WDR62: variants seen among roughly 807,000 people sequenced by gnomAD.
The protein encoded by WDR62 is WD repeat domain 62, also known as WD repeat-containing protein 62.
Under a neutral mutation model 160.6 loss-of-function variants are expected in WDR62, and 112 were observed. The observed-to-expected ratio is 0.70, with a 90% CI of 0.60 to 0.82. The LOEUF is 0.82. WDR62 is among the 40% of genes least tolerant of loss of function. WDR62 has a pLI of 0.00. For missense variants in WDR62, 1,819 were observed against 1,983.8 expected (o/e 0.92, Z 1.58); for synonymous variants, 792 against 815.1 (o/e 0.97, Z 0.48).
At chr19:36,056,812 C>CTTT (rs1005571081) in intron 1 of WDR62, among the ~76,000 whole-genome samples, 3 of 139,886 alleles carry the variant, frequency 2.1e-5, no homozygotes, top group African/African-American at 7.8e-5. Flanking sequence ...TTTTTCTTTT[C>CTTT]TTTTTTTTTT....
intron 1 of WDR62, among the ~76,000 whole-genome samples, chr19:36,056,878 C>T (rs1012084372): frequency 6.6e-6 from 1 of 150,990 alleles, no homozygotes; most frequent in Non-Finnish European, 1.5e-5. Flanking sequence ...GGGTTGATCT[C>T]GGCTCACTGC....
intron 30 of WDR62, among the ~76,000 whole-genome samples, chr19:36,104,304 G>A (rs1210550014): frequency 3.9e-5 from 6 of 152,156 alleles, no homozygotes; most frequent in Non-Finnish European, 8.8e-5. Flanking sequence ...GCAGGGTGGG[G>A]ACAGGGGTTG....
intron 6 of WDR62, among the ~76,000 whole-genome samples, 167 bp from the exon 7 acceptor site, chr19:36,067,658 ACTG>A (rs1356717973): frequency 6.6e-6 from 1 of 152,146 alleles, no homozygotes; most frequent in African/African-American, 2.4e-5. Flanking sequence ...TCATTCTTGG[ACTG>A]CTGCTGTCCA....
chr19:36,104,969 C>T lies in WDR62; in HGVS notation c.4513C>T (p.Leu1505=), dbSNP rs760732678. 1.4e-5 allele frequency: 23 copies of T among 1,605,682 alleles called. No individual in the cohort carries two copies. The highest frequency in any genetic ancestry group is 6.7e-5 in the Admixed American group (4 of 59,694). The change falls in exon 32 of 32, where the codon CTG becomes TTG. Residue 1505 remains leucine, a synonymous_variant. Transcript: ENST00000401500. ...GGCCAGCCCAGACCTGCAGGCCCTG[C>T]TGGAACACTACTCGGAGCTGCTGGT... is the stretch of plus-strand genomic sequence containing the variant. ...PLASPDLQAL[L]EHYSELLVQA...
chr19:36,072,820 G>C (rs1316893524), intron 8 of WDR62, among the ~76,000 whole-genome samples: 1 of 152,164 alleles, frequency 6.6e-6, no homozygotes, highest in Non-Finnish European at 1.5e-5. Flanking sequence ...GTTTTCTCAT[G>C]TGTAAAATAC....
At chr19:36,101,116 G>A in intron 23 of WDR62, 98 bp from the exon 24 acceptor site, 2 of 1,259,010 alleles carry the variant, frequency 1.6e-6, no homozygotes, top group Non-Finnish European at 2.3e-6. Context: ...GCTCCTGCAG[G>A]AGCAGCGGGT....
Position 36,102,072 on chromosome 19 carries a change from C to G in WDR62, c.3141C>G (p.Ser1047Arg), listed in dbSNP as rs759652706. The change falls in exon 26 of 32, where the codon AGC becomes AGG. Residue 1047 changes from serine to arginine, a missense_variant. By Grantham distance (110) the Ser-to-Arg change is moderately radical. Coordinates refer to ENST00000401500, the MANE Select transcript of WDR62 (RefSeq NM_001083961.2). Reference protein sequence around the residue: ...LSLPEGPSVPSSSLPQTPEQE... With the variant: ...LSLPEGPSVPRSSLPQTPEQE... Reference sequence around the variant, plus strand: ...TGCCCGAGGGACCCAGCGTCCCCAGCAGCTCCCTACCCCAGACTCCGGAGC... The same window carrying G: ...TGCCCGAGGGACCCAGCGTCCCCAGGAGCTCCCTACCCCAGACTCCGGAGC... The G allele has an allele frequency of 3.2e-5, 51 of 1,614,088 alleles. No homozygotes were observed. The highest frequency in any genetic ancestry group is 4.2e-5 in the Non-Finnish European group (50 of 1,180,040).
intron 10 of WDR62, chr19:36,082,004 T>A: frequency 2.7e-6 from 1 of 368,242 alleles, no homozygotes; most frequent in Admixed American, 3.6e-5. Flanking sequence ...AAGAAAAGTT[T>A]GCTGAGGAAA....
intron 3 of WDR62, chr19:36,062,091 C>A (rs1025849093): frequency 6.6e-6 from 1 of 152,122 alleles, no homozygotes; most frequent in African/African-American, 2.4e-5. Flanking sequence ...GGACCACAGG[C>A]ATGTGCCACC....
chr19:36,054,999 G>A lies in WDR62; in HGVS notation c.28G>A (p.Ala10Thr). 1.9e-6 allele frequency: 3 copies of A among 1,607,262 alleles called. No individual in the cohort carries two copies. Among genetic ancestry groups the A allele is most frequent in the Non-Finnish European group, 2.5e-6 (3 of 1,178,290 alleles). Residue 10 changes from alanine (A) to threonine (T), a missense_variant, in exon 1 of 32, where the codon GCG becomes ACG. This residue lies in a region of WDR62 where 115 missense variants were observed against 92.4 expected (regional missense o/e 1.24). Transcript: ENST00000401500. ...GGCGGCCGTAGGGTCCGGAGGCTATGCGCGGAACGATGCAGGGGAGAAGCT... is the reference window on the plus strand; with the variant it reads ...GGCGGCCGTAGGGTCCGGAGGCTATACGCGGAACGATGCAGGGGAGAAGCT... MAAVGSGGYARNDAGEKLPS... is the reference protein window; with the variant it reads MAAVGSGGYTRNDAGEKLPS...
At chr19:36,105,657 G>A (rs1278137649), downstream of WDR62, among the ~76,000 whole-genome samples, 1 of 152,012 alleles carries the variant, frequency 6.6e-6, no homozygotes, top group Non-Finnish European at 1.5e-5. Flanking sequence ...GACCAGCCTG[G>A]GCAACTTGGT....
chr19:36,080,183 C>G (rs748853053), intron 9 of WDR62, among the ~76,000 whole-genome samples: 3 of 151,988 alleles, frequency 2.0e-5, no homozygotes, highest in Non-Finnish European at 4.4e-5. Flanking sequence ...TCTCGGCTCA[C>G]TGCAAGCTCC....
chr19:36,097,015 G>A lies in WDR62; in HGVS notation c.2468-12G>A, dbSNP rs1224489968. ...TGTTTGTCCTCTTTTCATGGATTCT[G>A]TGTCTTTCCAGATCCTCGTTGCCTG... On this transcript the variant is annotated splice_polypyrimidine_tract_variant and intron_variant, in intron 20 of 31. Transcript: ENST00000401500. The A allele has an allele frequency of 8.1e-6, 13 of 1,609,714 alleles. No individual in the cohort carries two copies. The highest frequency in any genetic ancestry group is 1.3e-5 in the African/African-American group (1 of 74,854).
downstream of WDR62, among the ~76,000 whole-genome samples, chr19:36,107,905 C>T (rs1393868216): frequency 1.3e-5 from 2 of 152,026 alleles, no homozygotes; most frequent in Non-Finnish European, 2.9e-5. Flanking sequence ...TGACAGGGTC[C>T]CAGCAGAAAG....
intron 3 of WDR62, chr19:36,061,681 G>A (rs1057131774): frequency 6.6e-6 from 1 of 152,152 alleles, no homozygotes; most frequent in African/African-American, 2.4e-5. Flanking sequence ...GTCCGCCCTT[G>A]GCCACCAGTG....
Position 36,066,342 on chromosome 19 carries a change from C to T in WDR62, c.476C>T (p.Ala159Val), listed in dbSNP as rs776593343. 2.3e-5 allele frequency: 37 copies of T among 1,613,966 alleles called. No individual in the cohort carries two copies. Among genetic ancestry groups the T allele is most frequent in the East Asian group, 4.5e-5 (2 of 44,902 alleles). ...AEMLGHKYGVACVAFSPNMKH... is the reference protein window; with the variant it reads ...AEMLGHKYGVVCVAFSPNMKH... ...ATGCTAGGCCACAAGTATGGTGTGG[C>T]GTGTGTGGCCTTCTCACCCAATATG... is the stretch of plus-strand genomic sequence containing the variant. Residue 159 changes from alanine (A) to valine (V), a missense_variant, in exon 5 of 32, where the codon GCG becomes GTG. Physicochemically the swap from Ala to Val is moderately conservative, Grantham distance 64 (BLOSUM62 0). Transcript: ENST00000401500.
chr19:36,089,092 G>T lies in WDR62; in HGVS notation c.1823G>T (p.Arg608Leu), dbSNP rs774588484. 2.5e-6 allele frequency: 4 copies of T among 1,613,984 alleles called. No homozygotes were observed. Among genetic ancestry groups the T allele is most frequent in the Admixed American group, 1.7e-5 (1 of 59,986 alleles). The change falls in exon 14 of 32, where the codon CGC (arginine) becomes CTC (leucine). Residue 608 changes from arginine to leucine, a missense_variant. Arg to Leu is a moderately radical substitution (Grantham distance 102, BLOSUM62 -2). Around this residue, in one of 3 missense-constraint regions of WDR62, gnomAD observed 934 missense variants for 1,157.2 expected, o/e 0.81. Coordinates refer to ENST00000401500, the MANE Select transcript of WDR62 (RefSeq NM_001083961.2). ...GGGGCTGACAAGAGCATCTACTTTCGCAGTGCCCAGCAGGTAGGGTGGCAT... is the reference window on the plus strand; with the variant it reads ...GGGGCTGACAAGAGCATCTACTTTCTCAGTGCCCAGCAGGTAGGGTGGCAT... ...SCGADKSIYF[R>L]SAQQGSDGLH...
At chr19:36,091,135 G>A in intron 16 of WDR62, 65 bp from the exon 17 acceptor site, 4 of 1,428,438 alleles carry the variant, frequency 2.8e-6, no homozygotes, top group Middle Eastern at 2.4e-4. Context: ...GGAGGGAGGG[G>A]CCCAGGCCTC....
chr19:36,100,680 G>T, intron 22 of WDR62, 68 bp from the exon 23 acceptor site: 1 of 1,607,454 alleles, frequency 6.2e-7, no homozygotes, highest in Non-Finnish European at 8.5e-7. Context: ...TGCTGGCATG[G>T]TTCCTGGCGC....
Sources: gnomAD v4.1 joint callset for allele counts (sites outside exome capture counted in the v4.1 genomes callset) on GRCh38, gnomAD v4.1.1 for gene constraint, gnomAD v4.1.1 regional missense constraint, MANE v1.5 for transcripts, NCBI Gene and HGNC (gene_info 2026-07-23, HGNC 2026-07-21) for gene names.